RAPGEF6: variants seen among roughly 807,000 people sequenced by gnomAD.
RAPGEF6 encodes PDZ domain containing guanine nucleotide exchange factor (GEF) 2.
In RAPGEF6, 56 loss-of-function variants were observed where a neutral mutation model predicts 171.4. That is an observed-to-expected ratio of 0.33 (90% CI 0.26 to 0.41). The LOEUF (loss-of-function observed/expected upper bound fraction) is 0.41, where lower values mean the gene tolerates loss of function less well. Ranked by LOEUF, RAPGEF6 falls within the 10% of genes least tolerant of loss-of-function variation. RAPGEF6 has a pLI of 1.00. For missense variants in RAPGEF6, 1,674 were observed against 1,921.4 expected, an observed-to-expected ratio of 0.87 and a Z score of 2.41; for synonymous variants, 692 against 650.1, an observed-to-expected ratio of 1.06 and a Z score of -0.98.
At chr5:131,521,557 C>T (rs991339088) in intron 6 of RAPGEF6, 36 bp from the exon 7 acceptor site, 4 of 1,571,716 alleles carry the variant, frequency 2.5e-6, no homozygotes, top group Non-Finnish European at 3.4e-6. Context: ...TTCTAAATGT[C>T]AAGCTTTACC....
chr5:131,483,652 C>G (rs1006796528), intron 15 of RAPGEF6, among the ~76,000 whole-genome samples: 1 of 152,042 alleles, frequency 6.6e-6, no homozygotes, highest in Non-Finnish European at 1.5e-5. Flanking sequence ...TTCACAAACA[C>G]ACGAAACAAA....
At chr5:131,572,758 CCTTAGCCTG>C (rs1266727733) in intron 4 of RAPGEF6, among the ~76,000 whole-genome samples, 1 of 152,176 alleles carries the variant, frequency 6.6e-6, no homozygotes, top group Non-Finnish European at 1.5e-5. Flanking sequence ...CCCTCTTCCC[CCTTAGCCTG>C]TGTTCTTAAA....
intron 1 of RAPGEF6, among the ~76,000 whole-genome samples, chr5:131,621,588 G>T (rs1300763109): frequency 6.6e-6 from 1 of 151,964 alleles, no homozygotes; most frequent in Admixed American, 6.6e-5. Context: ...CACCACACCT[G>T]GCCCTTGTAT....
At chr5:131,428,604 G>T (rs369086445) in intron 27 of RAPGEF6, among the ~76,000 whole-genome samples, 1 of 152,036 alleles carries the variant, frequency 6.6e-6, no homozygotes, top group African/African-American at 2.4e-5. Flanking sequence ...GGGATTACAG[G>T]CATGCGCCAT....
At chr5:131,519,795 TCTTCTGGAAAAACACAGTCTA>T (rs1561530954) in intron 7 of RAPGEF6, among the ~76,000 whole-genome samples, 1 of 152,228 alleles carries the variant, frequency 6.6e-6, no homozygotes, top group Non-Finnish European at 1.5e-5. Context: ...CTCAGTGTTT[TCTTCTGGAAAAACACAGTCTA>T]CTTTGATTTT....
intron 8 of RAPGEF6, 84 bp from the exon 9 acceptor site, chr5:131,508,291 A>G (rs540333827): frequency 1.1e-5 from 14 of 1,283,590 alleles, no homozygotes; most frequent in Middle Eastern, 4.0e-4. Flanking sequence ...TCAATTCCCA[A>G]TTTCACAATC....
At chr5:131,509,583 T>C (rs188525514) in intron 8 of RAPGEF6, among the ~76,000 whole-genome samples, 269 of 152,142 alleles carry the variant, frequency 1.8e-3, no homozygotes, top group African/African-American at 5.8e-3. Flanking sequence ...TACATATATT[T>C]AAGCTAGGGA....
intron 7 of RAPGEF6, among the ~76,000 whole-genome samples, chr5:131,518,099 T>C (rs1173391736): frequency 6.6e-6 from 1 of 152,106 alleles, no homozygotes; most frequent in African/African-American, 2.4e-5. Context: ...CTGGTGTTCT[T>C]GAACTCGGAT....
chr5:131,563,322 T>C (rs1021695644), intron 4 of RAPGEF6, among the ~76,000 whole-genome samples: 3 of 152,126 alleles, frequency 2.0e-5, no homozygotes, highest in Non-Finnish European at 4.4e-5. Context: ...AAGAAAATTA[T>C]ACAACTTCAT....
chr5:131,612,182 G>A (rs1764971606), intron 1 of RAPGEF6, among the ~76,000 whole-genome samples: 1 of 146,256 alleles, frequency 6.8e-6, no homozygotes, highest in Non-Finnish European at 1.5e-5. Flanking sequence ...CTACAGGCGT[G>A]CACCACCATG....
chr5:131,618,954 A>C (rs1765437254), intron 1 of RAPGEF6, among the ~76,000 whole-genome samples: 1 of 152,066 alleles, frequency 6.6e-6, no homozygotes, highest in South Asian at 2.1e-4. Flanking sequence ...ACCTTAATCT[A>C]ATCATGAGAA....
chr5:131,466,711 C>T (rs773114585), intron 17 of RAPGEF6, among the ~76,000 whole-genome samples: 12 of 152,176 alleles, frequency 7.9e-5, no homozygotes, highest in African/African-American at 1.2e-4. Flanking sequence ...TCCCCAGCCA[C>T]GTGGAACTGC....
intron 1 of RAPGEF6, among the ~76,000 whole-genome samples, chr5:131,633,559 G>A (rs1371705959): frequency 1.3e-5 from 2 of 151,754 alleles, no homozygotes; most frequent in Non-Finnish European, 2.9e-5. Flanking sequence ...GTGCAACCCC[G>A]TCTCTACTAA....
rs535586531 is a variant in RAPGEF6 at position 131,594,325 on chromosome 5, G to A, written c.198-1859C>T. Among the ~76,000 whole-genome samples the A allele has an allele frequency of 2.6e-5, 4 of 152,370 alleles. No individual in the cohort carries two copies. In the East Asian group the frequency reaches 5.8e-4, roughly 22 times the overall value. Reference sequence around the variant, plus strand: ...GAGGCTGCAAGCCTCAAGCCTTGGCGGCTTCCACATGGTGTTGGGCCTGCG... The same window carrying A: ...GAGGCTGCAAGCCTCAAGCCTTGGCAGCTTCCACATGGTGTTGGGCCTGCG... On this transcript the variant is annotated intron_variant, in intron 3 of 27. Coordinates refer to ENST00000509018, the MANE Select transcript of RAPGEF6 (RefSeq NM_016340.6).
chr5:131,613,513 G>A (rs994110261), intron 1 of RAPGEF6, among the ~76,000 whole-genome samples: 1 of 151,908 alleles, frequency 6.6e-6, no homozygotes, highest in Admixed American at 6.6e-5. Context: ...TTTCAATAAA[G>A]GGCCAAATAG....
intron 1 of RAPGEF6, among the ~76,000 whole-genome samples, chr5:131,616,158 C>G (rs1765249963): frequency 6.6e-6 from 1 of 152,026 alleles, no homozygotes; most frequent in African/African-American, 2.4e-5. Flanking sequence ...CTTCCTAAAA[C>G]AGATAAGCTA....
At chr5:131,491,517 T>A (rs1048214549) in intron 14 of RAPGEF6, among the ~76,000 whole-genome samples, 8 of 152,094 alleles carry the variant, frequency 5.3e-5, no homozygotes, top group Admixed American at 5.2e-4. Flanking sequence ...TACATGAGAA[T>A]CATCTAGAGC....
chr5:131,570,216 G>C (rs1196774523), intron 4 of RAPGEF6, among the ~76,000 whole-genome samples: 1 of 151,956 alleles, frequency 6.6e-6, no homozygotes, highest in Non-Finnish European at 1.5e-5. Flanking sequence ...AGAAGATACA[G>C]GAATGTCTAG....
chr5:131,465,083 C>G (rs1754237138), intron 17 of RAPGEF6, among the ~76,000 whole-genome samples: 1 of 151,766 alleles, frequency 6.6e-6, no homozygotes, highest in African/African-American at 2.4e-5. Context: ...TTTTTGGTAT[C>G]CCTTATGTTT....
Sources: allele counts gnomAD v4.1 joint callset (sites outside exome capture counted in the v4.1 genomes callset), GRCh38; gene constraint gnomAD v4.1.1; transcripts MANE v1.5; gene names NCBI Gene and HGNC (gene_info 2026-07-23, HGNC 2026-07-21).